Variants in MICU1 observed in about 807,000 individuals in gnomAD.
The protein encoded by MICU1 is mitochondrial calcium uptake 1.
MICU1 carries 45 observed loss-of-function variants against 56.8 expected under a neutral mutation model. The ratio of observed to expected loss-of-function variants is 0.79; its 90% confidence interval spans 0.62 to 1.02. The LOEUF (loss-of-function observed/expected upper bound fraction) is 1.02, where lower values mean the gene tolerates loss of function less well. Among genes scored for constraint, MICU1 ranks in the 50% least tolerant of loss-of-function variants. The pLI is 0.00. For synonymous variants in MICU1, 186 were observed against 195.1 expected (o/e 0.95, Z 0.39); for missense variants, 504 against 587.1 (o/e 0.86, Z 1.46).
intron 1 of MICU1, among the ~76,000 whole-genome samples, chr10:72,622,760 C>CA (rs1304368320): frequency 6.6e-6 from 1 of 151,942 alleles, no homozygotes; most frequent in Non-Finnish European, 1.5e-5. Context: ...TTCCATTTTC[C>CA]AAAAATAAGC....
At chr10:72,446,817 T>C (rs1319009622) in intron 8 of MICU1, among the ~76,000 whole-genome samples, 1 of 152,136 alleles carries the variant, frequency 6.6e-6, no homozygotes, top group African/African-American at 2.4e-5. Flanking sequence ...GCTCAGTAAA[T>C]GTTGGCTGCT....
intron 11 of MICU1, among the ~76,000 whole-genome samples, chr10:72,373,231 G>A (rs1389284385): frequency 1.3e-5 from 2 of 150,308 alleles, no homozygotes; most frequent in Non-Finnish European, 2.9e-5. Flanking sequence ...CCAAGCTGGA[G>A]TGCAGCGCTA....
rs779947716 is a variant in MICU1, at chr10:72,608,074, A to AT, written c.-2+17935dup. On this transcript the variant is annotated intron_variant, in intron 1 of 11. Coordinates refer to ENST00000361114, the MANE Select transcript of MICU1 (RefSeq NM_001195518.2). ...TCCTTTATACTGTTCTAATCAAATA[A>AT]TTTTTTTTTTGAGACAGGGTGTCTC... 3.0e-3 allele frequency among the ~76,000 whole-genome samples: 455 copies of AT among 150,176 alleles called. 3 individuals are homozygous for AT. In the East Asian group the frequency reaches 0.046, roughly 15 times the overall value.
chr10:72,608,665 G>A (rs1045965345), intron 1 of MICU1, among the ~76,000 whole-genome samples: 1 of 152,158 alleles, frequency 6.6e-6, no homozygotes, highest in African/African-American at 2.4e-5. Flanking sequence ...AAATAATGCA[G>A]CTATTGTTAG....
intron 1 of MICU1, among the ~76,000 whole-genome samples, chr10:72,596,383 A>G (rs1314079316): frequency 1.3e-5 from 2 of 151,714 alleles, no homozygotes; most frequent in Non-Finnish European, 2.9e-5. Flanking sequence ...GGCTACAGGG[A>G]CTCCTGATCA....
intron 10 of MICU1, among the ~76,000 whole-genome samples, chr10:72,395,483 C>T (rs190335500): frequency 1.2e-3 from 178 of 152,268 alleles, no homozygotes; most frequent in Admixed American, 3.7e-3. Flanking sequence ...CGGGGCGTCG[C>T]CTCACCTGGG....
intron 1 of MICU1, among the ~76,000 whole-genome samples, chr10:72,580,653 T>C (rs974732664): frequency 4.6e-5 from 7 of 152,130 alleles, no homozygotes; most frequent in African/African-American, 1.7e-4. Flanking sequence ...ACTTTCGTAT[T>C]TTTTGTAGAG....
At chr10:72,544,048 A>C (rs891403290) in intron 4 of MICU1, among the ~76,000 whole-genome samples, 1 of 152,106 alleles carries the variant, frequency 6.6e-6, no homozygotes, top group Non-Finnish European at 1.5e-5. Context: ...TCAACCCCTG[A>C]CCTAAACGGT....
In MICU1 at chr10:72,368,074, A is replaced by C. The variant is rs533118035; in HGVS notation, c.*121T>G. On this transcript the variant is annotated 3_prime_UTR_variant, in exon 12 of 12. Coordinates refer to ENST00000361114, the MANE Select transcript of MICU1 (RefSeq NM_001195518.2). ...AAGAGGGGAAACCGACAGAGTCCTG[A>C]GGTCATCCCGGGAGGAAGGGGGACT... 3.7e-6 allele frequency: 4 copies of C among 1,066,994 alleles called. No homozygotes were observed. In the East Asian group the frequency reaches 1.1e-4, roughly 28 times the overall value. The allele number at this position is 1,066,994 out of a possible 1,614,324, so 66.1% of individuals were successfully genotyped here.
intron 5 of MICU1, among the ~76,000 whole-genome samples, chr10:72,512,296 A>C (rs1589294241): frequency 6.6e-6 from 1 of 151,890 alleles, no homozygotes; most frequent in Admixed American, 6.6e-5. Flanking sequence ...ATTTTAGTAG[A>C]GATGGGTTTC....
chr10:72,389,221 C>T (rs1862990109), intron 10 of MICU1, among the ~76,000 whole-genome samples: 2 of 152,150 alleles, frequency 1.3e-5, no homozygotes, highest in South Asian at 4.1e-4. Context: ...ATTGCTGACT[C>T]CATCAGTAAT....
chr10:72,528,256 G>A (rs749099624), intron 5 of MICU1, among the ~76,000 whole-genome samples: 2 of 152,158 alleles, frequency 1.3e-5, no homozygotes, highest in Admixed American at 6.5e-5. Context: ...GGAACTTCTG[G>A]CTTCAAGGAA....
intron 5 of MICU1, among the ~76,000 whole-genome samples, chr10:72,525,801 A>C (rs1349022201): frequency 2.0e-5 from 3 of 152,188 alleles, no homozygotes; most frequent in Non-Finnish European, 2.9e-5. Context: ...TGAGAATGTA[A>C]CTGACAGAGA....
At chr10:72,379,655 G>C (rs1312814664) in intron 10 of MICU1, 1 of 364,572 alleles carries the variant, frequency 2.7e-6, no homozygotes, top group Non-Finnish European at 5.6e-6. Context: ...CTAATGAGAG[G>C]CTCATTAAAT....
Position 72,475,294 on chromosome 10 carries a change from G to C in MICU1, c.739C>G (p.Gln247Glu). ...EVDMEEFEQVQSIIRSQTSMG... is the reference protein window; with the variant it reads ...EVDMEEFEQVESIIRSQTSMG... Reference sequence around the variant, plus strand: ...CTGGTTTGGGAGCGAATGATGCTCTGAACCTAATACAGAATCAAACCCACA... The same window carrying C: ...CTGGTTTGGGAGCGAATGATGCTCTCAACCTAATACAGAATCAAACCCACA... Residue 247 changes from glutamine to glutamate, a missense_variant, in exon 8 of 12, where the codon CAG becomes GAG. Gln to Glu is a conservative substitution (Grantham distance 29). Coordinates refer to ENST00000361114, the MANE Select transcript of MICU1 (RefSeq NM_001195518.2). 2 of 1,599,594 alleles carry C rather than the reference G, an allele frequency of 1.3e-6. No homozygotes were observed. Among genetic ancestry groups the C allele is most frequent in the Non-Finnish European group, 1.7e-6 (2 of 1,172,358 alleles).
At chr10:72,586,655 A>G (rs1006490237) in intron 1 of MICU1, among the ~76,000 whole-genome samples, 4 of 152,080 alleles carry the variant, frequency 2.6e-5, no homozygotes, top group African/African-American at 9.7e-5. Context: ...CCATCTCAAA[A>G]AAAAAAAAAC....
At chr10:72,389,346 T>A (rs1481752011) in intron 10 of MICU1, among the ~76,000 whole-genome samples, 1 of 152,204 alleles carries the variant, frequency 6.6e-6, no homozygotes. Context: ...TTCTCAGAGG[T>A]CATCTCTGCC....
At chr10:72,514,995 C>G (rs1867601572) in intron 5 of MICU1, among the ~76,000 whole-genome samples, 1 of 152,164 alleles carries the variant, frequency 6.6e-6, no homozygotes, top group Admixed American at 6.6e-5. Context: ...CCCCAGTCCC[C>G]TAAAAGCTCT....
chr10:72,411,391 G>A (rs374902225), intron 9 of MICU1, among the ~76,000 whole-genome samples: 3 of 151,322 alleles, frequency 2.0e-5, no homozygotes, highest in East Asian at 3.9e-4. Context: ...GCAGTGGCGC[G>A]ATCTCGGCTC....
Sources: allele counts gnomAD v4.1 joint callset (sites outside exome capture counted in the v4.1 genomes callset), GRCh38; gene constraint gnomAD v4.1.1; transcripts MANE v1.5; gene names NCBI Gene and HGNC (gene_info 2026-07-23, HGNC 2026-07-21).